Variants in SENP7 observed in about 807,000 individuals in gnomAD.
SENP7 encodes SUMO specific peptidase 7.
Under a neutral mutation model 141.2 loss-of-function variants are expected in SENP7, and 64 were observed. The ratio of observed to expected loss-of-function variants is 0.45; its 90% CI spans 0.37 to 0.56. The LOEUF (loss-of-function observed/expected upper bound fraction) is 0.56, where lower values mean the gene tolerates loss of function less well. SENP7 is among the 20% of genes least tolerant of loss of function. The pLI is 0.00. For missense variants in SENP7, 1,025 were observed against 1,212.2 expected, an observed-to-expected ratio of 0.85 and a Z score of 2.29; for synonymous variants, 382 against 426.4, an observed-to-expected ratio of 0.90 and a Z score of 1.28.
chr3:101,414,368 A>G (rs1339360527), intron 5 of SENP7: 2 of 828,100 alleles, frequency 2.4e-6, no homozygotes, highest in African/African-American at 3.3e-5. Context: ...CAGCAGGTGC[A>G]CCAGTGCATC....
chr3:101,332,919 C>A, intron 17 of SENP7, 57 bp from the exon 18 acceptor site: 1 of 1,460,512 alleles, frequency 6.8e-7, no homozygotes, highest in East Asian at 2.5e-5. Flanking sequence ...AAGATAGGGA[C>A]TTCAAGAGCC....
chr3:101,353,914 GAATA>G (rs1159537938), intron 11 of SENP7, among the ~76,000 whole-genome samples: 2 of 151,702 alleles, frequency 1.3e-5, no homozygotes, highest in African/African-American at 4.8e-5. Context: ...AATATATGGA[GAATA>G]AATTAATTTA....
chr3:101,485,231 C>T (rs796681194), intron 3 of SENP7, among the ~76,000 whole-genome samples: 12 of 152,152 alleles, frequency 7.9e-5, no homozygotes, highest in Non-Finnish European at 1.3e-4. Flanking sequence ...TCTCTCCCAC[C>T]GCCAGTGCCT....
At chr3:101,443,029 C>T (rs920860093) in intron 4 of SENP7, among the ~76,000 whole-genome samples, 3 of 152,184 alleles carry the variant, frequency 2.0e-5, no homozygotes, top group Non-Finnish European at 4.4e-5. Context: ...CTGCCCATGC[C>T]TATGTCCTGA....
At chr3:101,342,264 C>T (rs1230455858) in intron 14 of SENP7, among the ~76,000 whole-genome samples, 1 of 152,110 alleles carries the variant, frequency 6.6e-6, no homozygotes, top group Non-Finnish European at 1.5e-5. Context: ...AAAAGATTAG[C>T]CTCTGGCCAA....
At chr3:101,502,908 C>T (rs1212033118) in intron 1 of SENP7, among the ~76,000 whole-genome samples, 1 of 146,858 alleles carries the variant, frequency 6.8e-6, no homozygotes. Flanking sequence ...AGAGTAAGAC[C>T]CTGTCTCAGA....
At chr3:101,450,454 T>C (rs1330617374) in intron 4 of SENP7, among the ~76,000 whole-genome samples, 11 of 152,190 alleles carry the variant, frequency 7.2e-5, no homozygotes, top group East Asian at 1.9e-4. Flanking sequence ...ATTGATCACA[T>C]AGTTGGAAGT....
At chr3:101,458,363 A>G (rs1189240488) in intron 4 of SENP7, among the ~76,000 whole-genome samples, 1 of 152,200 alleles carries the variant, frequency 6.6e-6, no homozygotes, top group Non-Finnish European at 1.5e-5. Flanking sequence ...AAAATTCAAT[A>G]CTCTTTTTAA....
intron 6 of SENP7, among the ~76,000 whole-genome samples, chr3:101,392,192 A>G (rs2060836130): frequency 6.6e-6 from 1 of 152,216 alleles, no homozygotes; most frequent in African/African-American, 2.4e-5. Context: ...ACTCTTATTC[A>G]GCACAGTCCT....
chr3:101,511,524 A>G (rs912118234), intron 1 of SENP7, among the ~76,000 whole-genome samples: 1 of 152,130 alleles, frequency 6.6e-6, no homozygotes, highest in African/African-American at 2.4e-5. Context: ...GGGGGTGGAG[A>G]CTATTAAAAC....
chr3:101,328,507 A>C lies in SENP7; in HGVS notation c.2835T>G (p.Ser945=). Residue 945 remains serine, a synonymous_variant, in exon 22 of 24, where the codon TCT becomes TCG. Coordinates refer to ENST00000394095, the MANE Select transcript of SENP7 (RefSeq NM_020654.5). ...GTAAATTCTGAACTGTGTTTTGTAC[A>C]GAAGCAGCTTTCAAGGAGTCTAGTA... ...ILILDSLKAA[S]VQNTVQNLRE... The C allele has an allele frequency of 3.1e-6, 5 of 1,612,730 alleles. No individual in the cohort carries two copies. The highest frequency in any genetic ancestry group is 4.2e-6 in the Non-Finnish European group (5 of 1,179,150).
chr3:101,397,611 T>C (rs2107573317), intron 6 of SENP7, among the ~76,000 whole-genome samples: 1 of 152,278 alleles, frequency 6.6e-6, no homozygotes, highest in South Asian at 2.1e-4. Context: ...GGTGAAAATA[T>C]TTTCCAAAAG....
intron 12 of SENP7, among the ~76,000 whole-genome samples, chr3:101,348,826 G>A (rs2059540214): frequency 6.6e-6 from 1 of 150,686 alleles, no homozygotes; most frequent in African/African-American, 2.4e-5. Flanking sequence ...ATTTAAAGAA[G>A]TCCTGAAGGT....
At chr3:101,497,261 A>G (rs1279194294) in intron 2 of SENP7, among the ~76,000 whole-genome samples, 1 of 152,222 alleles carries the variant, frequency 6.6e-6, no homozygotes, top group African/African-American at 2.4e-5. Context: ...TTTGTGTGGG[A>G]AAATAAATAG....
chr3:101,426,289 A>G (rs569113634), intron 4 of SENP7, among the ~76,000 whole-genome samples: 3 of 152,234 alleles, frequency 2.0e-5, no homozygotes, highest in South Asian at 4.1e-4. Flanking sequence ...TCAAAGAAAA[A>G]ATGTTACAGG....
At chr3:101,496,578 C>CTTTT (rs368850019) in intron 2 of SENP7, among the ~76,000 whole-genome samples, 2 of 133,272 alleles carry the variant, frequency 1.5e-5, no homozygotes, top group African/African-American at 2.8e-5. Flanking sequence ...ACTTCAAACA[C>CTTTT]TTTTTTTTTT....
At chr3:101,487,229 A>C (rs2108069651) in intron 3 of SENP7, among the ~76,000 whole-genome samples, 1 of 152,284 alleles carries the variant, frequency 6.6e-6, no homozygotes, top group Non-Finnish European at 1.5e-5. Context: ...AAAGTCAAAA[A>C]AGACACAATG....
intron 3 of SENP7, among the ~76,000 whole-genome samples, chr3:101,479,488 C>G (rs1372729775): frequency 1.3e-5 from 2 of 152,006 alleles, no homozygotes; most frequent in African/African-American, 4.8e-5. Flanking sequence ...TGCCTGTAGT[C>G]CCAGCTACTT....
chr3:101,383,895 A>C (rs2107510763), intron 6 of SENP7, among the ~76,000 whole-genome samples: 1 of 152,322 alleles, frequency 6.6e-6, no homozygotes, highest in Non-Finnish European at 1.5e-5. Context: ...GACAGCCTGA[A>C]GTCTGGGGCC....
Sources: gnomAD v4.1 joint callset for allele counts (sites outside exome capture counted in the v4.1 genomes callset) on GRCh38, gnomAD v4.1.1 for gene constraint, MANE v1.5 for transcripts, NCBI Gene and HGNC (gene_info 2026-07-23, HGNC 2026-07-21) for gene names.